SNAPC3: variants seen among roughly 807,000 people sequenced by gnomAD.
SNAPC3 encodes the protein small nuclear RNA activating complex polypeptide 3.
Under a neutral mutation model 47.7 loss-of-function variants are expected in SNAPC3, and 56 were observed. The observed-to-expected ratio is 1.18, with a 90% confidence interval of 0.95 to 1.47. The LOEUF (loss-of-function observed/expected upper bound fraction) is 1.47. Ranked by LOEUF, SNAPC3 falls within the 40% of genes most tolerant of loss-of-function variation. The pLI is 0.00. For missense variants in SNAPC3, 665 were observed against 511.3 expected (o/e 1.30, Z -2.90); for synonymous variants, 235 against 189.9 (o/e 1.24, Z -1.95).
At chr9:15,434,540 T>A (rs1299169340) in intron 3 of SNAPC3, among the ~76,000 whole-genome samples, 1 of 152,032 alleles carries the variant, frequency 6.6e-6, no homozygotes, top group African/African-American at 2.4e-5. Context: ...TTTAAGCAGC[T>A]GGGATTATAG....
At chr9:15,428,980 C>T (rs990472800) in intron 2 of SNAPC3, among the ~76,000 whole-genome samples, 1 of 151,604 alleles carries the variant, frequency 6.6e-6, no homozygotes, top group Non-Finnish European at 1.5e-5. Flanking sequence ...GAAAAAAAAA[C>T]TAAATCTAGA....
chr9:15,455,637 G>A (rs2034722424), intron 7 of SNAPC3, among the ~76,000 whole-genome samples: 1 of 151,438 alleles, frequency 6.6e-6, no homozygotes, highest in African/African-American at 2.4e-5. Context: ...TGCTGGCCTT[G>A]TAATAAACAT....
At chr9:15,464,570 TG>T (rs2035482777), downstream of SNAPC3, 2 of 198,896 alleles carry the variant, frequency 1.0e-5, no homozygotes, top group Middle Eastern at 1.7e-3. Context: ...AATATAGCCA[TG>T]ATTTCAAATA....
intron 8 of SNAPC3, 27 bp from the exon 9 acceptor site, chr9:15,459,692 A>G (rs759927740): frequency 1.2e-6 from 2 of 1,602,864 alleles, no homozygotes; most frequent in Non-Finnish European, 8.5e-7. Context: ...GATTGTAATG[A>G]TGTACTTCTT....
intron 5 of SNAPC3, among the ~76,000 whole-genome samples, chr9:15,447,528 T>G (rs141650856): frequency 6.7e-6 from 1 of 148,408 alleles, no homozygotes; most frequent in African/African-American, 2.5e-5. Flanking sequence ...TTTTTTTTTG[T>G]TTTTTGTTTT....
chr9:15,457,373 T>C (rs1213876823), intron 7 of SNAPC3, among the ~76,000 whole-genome samples: 2 of 151,778 alleles, frequency 1.3e-5, no homozygotes. Flanking sequence ...GGTGGGAGGA[T>C]CGCTTGAGAC....
rs867044935 is a variant in SNAPC3 at position 15,458,046 on chromosome 9, T to C, written c.1067T>C (p.Val356Ala). ...TGGCTATGGACCAGAAAATGTTTTG[T>C]TTGTAAAATGTATACAGCCAGGTGA... is the stretch of plus-strand genomic sequence containing the variant. ...KHWLWTRKCF[V>A]CKMYTARWVT... is the part of the protein sequence containing the mutation. The change falls in exon 8 of 9, where the codon GTT (valine) becomes GCT (alanine). Residue 356 changes from valine (V) to alanine (A), a missense_variant. Val to Ala is a moderately conservative substitution (Grantham distance 64, BLOSUM62 0). Transcript: ENST00000380821. 1.5e-5 allele frequency: 23 copies of C among 1,582,504 alleles called. 1 individual carries two copies. The Middle Eastern group carries it at 3.8e-3, about 264-fold the overall frequency.
At chr9:15,444,542 C>A in intron 3 of SNAPC3, 60 bp from the exon 4 acceptor site, 2 of 1,070,692 alleles carry the variant, frequency 1.9e-6, no homozygotes, top group Admixed American at 1.8e-5. Flanking sequence ...GCCATTGTAC[C>A]ACACTGCATC....
chr9:15,430,189 G>A (rs2031958213), intron 2 of SNAPC3, among the ~76,000 whole-genome samples: 1 of 152,180 alleles, frequency 6.6e-6, no homozygotes, highest in South Asian at 2.1e-4. Context: ...TCAACACTTG[G>A]GGAGGCCAAG....
intron 3 of SNAPC3, among the ~76,000 whole-genome samples, chr9:15,440,810 G>A (rs970121991): frequency 2.0e-5 from 3 of 152,116 alleles, no homozygotes; most frequent in Non-Finnish European, 2.9e-5. Context: ...TTAGCTGGGC[G>A]CGGTGGCGAG....
chr9:15,440,261 C>A (rs942094153), intron 3 of SNAPC3, among the ~76,000 whole-genome samples: 1 of 152,162 alleles, frequency 6.6e-6, no homozygotes, highest in Non-Finnish European at 1.5e-5. Context: ...GTGTTGTTCC[C>A]TTTAGCAGTA....
intron 3 of SNAPC3, among the ~76,000 whole-genome samples, chr9:15,441,212 T>A (rs552455197): frequency 6.6e-6 from 1 of 151,390 alleles, no homozygotes; most frequent in South Asian, 2.1e-4. Context: ...AACGTTATTA[T>A]TATTTTTTTA....
Position 15,457,950 on chromosome 9 carries a change from C to T in SNAPC3, c.981-10C>T, listed in dbSNP as rs754879091. 119 of 1,526,764 alleles carry T rather than the reference C, an allele frequency of 7.8e-5. No homozygotes were observed. Among genetic ancestry groups the T allele is most frequent in the Non-Finnish European group, 9.6e-5 (108 of 1,122,888 alleles). 94.6% of individuals were successfully genotyped at this position (1,526,764 alleles called of 1,614,324 possible). ...TCACCTTAATATCTTTATTTTCCCA[C>T]GAACAAAAGGCTTGTGCATCATGAT... On this transcript the variant is annotated splice_polypyrimidine_tract_variant and intron_variant, in intron 7 of 8. Coordinates refer to ENST00000380821, the MANE Select transcript of SNAPC3 (RefSeq NM_001039697.2).
chr9:15,455,475 G>A (rs1187324121), intron 7 of SNAPC3, among the ~76,000 whole-genome samples: 3 of 152,066 alleles, frequency 2.0e-5, no homozygotes, highest in Admixed American at 6.6e-5. Flanking sequence ...AGTGAGGCAC[G>A]AGAATCACTT....
intron 2 of SNAPC3, among the ~76,000 whole-genome samples, chr9:15,425,350 T>TG (rs1189725845): frequency 6.6e-6 from 1 of 152,130 alleles, no homozygotes; most frequent in Non-Finnish European, 1.5e-5. Context: ...CCGGAGTAGC[T>TG]GGGATTACCG....
intron 3 of SNAPC3, among the ~76,000 whole-genome samples, chr9:15,444,302 C>G (rs1192447040): frequency 6.6e-6 from 1 of 152,202 alleles, no homozygotes; most frequent in East Asian, 1.9e-4. Context: ...CAGTGTTATA[C>G]CAACATTAGT....
intron 3 of SNAPC3, among the ~76,000 whole-genome samples, chr9:15,436,161 C>G (rs913215844): frequency 6.6e-6 from 1 of 152,176 alleles, no homozygotes; most frequent in Non-Finnish European, 1.5e-5. Flanking sequence ...TTTCTTGATA[C>G]TGTTGCTGGA....
At chr9:15,434,430 CAG>C (rs1204467364) in intron 3 of SNAPC3, among the ~76,000 whole-genome samples, 6 of 132,154 alleles carry the variant, frequency 4.5e-5, no homozygotes, top group East Asian at 4.4e-4. Flanking sequence ...TTTTTTGAAA[CAG>C]AGTCTCGCTG....
chr9:15,452,600 G>C (rs946606008), intron 6 of SNAPC3, among the ~76,000 whole-genome samples: 4 of 152,334 alleles, frequency 2.6e-5, no homozygotes, highest in African/African-American at 9.6e-5. Flanking sequence ...TTACAGGTGT[G>C]AGCCACCATG....
Sources: gnomAD v4.1 joint callset for allele counts (sites outside exome capture counted in the v4.1 genomes callset) on GRCh38, gnomAD v4.1.1 for gene constraint, MANE v1.5 for transcripts, NCBI Gene and HGNC (gene_info 2026-07-23, HGNC 2026-07-21) for gene names.